The following PTPRD variants were observed in gnomAD, a reference collection of about 807,000 sequenced individuals.
The protein encoded by PTPRD is receptor-type tyrosine-protein phosphatase delta.
Under a neutral mutation model 214.5 loss-of-function variants are expected in PTPRD, and 34 were observed. That is an observed-to-expected ratio of 0.16 (90% confidence interval 0.12 to 0.21). PTPRD has a LOEUF of 0.21. PTPRD is among the 10% of genes least tolerant of loss of function. The pLI is 1.00. For synonymous variants in PTPRD, 1,128 were observed against 845.7 expected (o/e 1.33, Z -5.79); for missense variants, 2,545 against 2,398.7 (o/e 1.06, Z -1.27).
rs1849911632 is a variant in PTPRD at position 8,339,170 on chromosome 9, G to C, written c.5254-123C>G. Reference sequence around the variant, plus strand: ...CATTAATAAAATTTCAAAATTCAAGGCAATTCCAATTGCATATGACTCATT... The same window carrying C: ...CATTAATAAAATTTCAAAATTCAAGCCAATTCCAATTGCATATGACTCATT... On this transcript the variant is annotated intron_variant, in intron 42 of 45. Coordinates refer to ENST00000381196, the MANE Select transcript of PTPRD (RefSeq NM_002839.4). 4 of 1,059,140 alleles carry C rather than the reference G, an allele frequency of 3.8e-6. No homozygotes were observed. The African/African-American group carries it at 4.8e-5, about 13-fold the overall frequency. The allele number at this position is 1,059,140 out of a possible 1,614,324, so 65.6% of individuals were successfully genotyped here.
At chr9:9,866,687 T>C (rs183842482) in intron 5 of PTPRD, among the ~76,000 whole-genome samples, 21 of 152,308 alleles carry the variant, frequency 1.4e-4, no homozygotes, top group Admixed American at 9.2e-4. Flanking sequence ...TGGGTTGATT[T>C]CAACATTTCT....
At position 8,583,105 on chromosome 9, in the gene PTPRD, T is replaced by C. The variant is rs186107117; in HGVS notation, c.352+50212A>G. Reference sequence around the variant, plus strand: ...TGTTCCACCTCAGATCATAAGGCATTAGATTCTCATAAAGAGTGCACCACC... The same window carrying C: ...TGTTCCACCTCAGATCATAAGGCATCAGATTCTCATAAAGAGTGCACCACC... On this transcript the variant is annotated intron_variant, in intron 14 of 45. Coordinates refer to ENST00000381196, the MANE Select transcript of PTPRD (RefSeq NM_002839.4). Among the ~76,000 whole-genome samples, 3 of 152,338 alleles carry C rather than the reference T, an allele frequency of 2.0e-5. No individual in the cohort carries two copies. The East Asian group carries it at 5.8e-4, about 29-fold the overall frequency.
At chr9:8,917,054 CT>C (rs61077928) in intron 11 of PTPRD, among the ~76,000 whole-genome samples, 814 of 125,704 alleles carry the variant, frequency 6.5e-3, no homozygotes, top group Non-Finnish European at 8.5e-3. Flanking sequence ...CATTTTCTTT[CT>C]TTTTTTTTTT....
intron 3 of PTPRD, among the ~76,000 whole-genome samples, chr9:10,300,719 C>T (rs1006937857): frequency 6.6e-6 from 1 of 152,138 alleles, no homozygotes; most frequent in African/African-American, 2.4e-5. Context: ...CTCTAGATTC[C>T]TCCTCTCTAG....
intron 3 of PTPRD, among the ~76,000 whole-genome samples, chr9:10,324,677 A>C (rs1454641168): frequency 6.6e-6 from 1 of 151,988 alleles, no homozygotes; most frequent in Non-Finnish European, 1.5e-5. Context: ...ATCTGCTGTG[A>C]TCTAGGGTAT....
intron 9 of PTPRD, among the ~76,000 whole-genome samples, chr9:9,196,938 A>C (rs1294241620): frequency 6.6e-6 from 1 of 152,200 alleles, no homozygotes; most frequent in Non-Finnish European, 1.5e-5. Context: ...AATATCAGAC[A>C]AGGTCAATCT....
chr9:9,531,357 T>C (rs1475974133), intron 8 of PTPRD, among the ~76,000 whole-genome samples: 5 of 152,276 alleles, frequency 3.3e-5, no homozygotes, highest in Admixed American at 1.3e-4. Context: ...ATGTGGCATA[T>C]AATAAGTACC....
At chr9:8,816,631 T>C (rs1257465903) in intron 11 of PTPRD, among the ~76,000 whole-genome samples, 1 of 152,188 alleles carries the variant, frequency 6.6e-6, no homozygotes, top group African/African-American at 2.4e-5. Flanking sequence ...ATAGAAAGTA[T>C]AACTCAACTA....
rs551990203 is a variant in PTPRD, at chr9:8,439,540, A to G, written c.3989-2851T>C. Among the ~76,000 whole-genome samples the G allele has an allele frequency of 7.9e-5, 12 of 152,284 alleles. No homozygotes were observed. In the South Asian group the frequency reaches 2.3e-3, roughly 29 times the overall value. On this transcript the variant is annotated intron_variant, in intron 34 of 45. Coordinates refer to ENST00000381196, the MANE Select transcript of PTPRD (RefSeq NM_002839.4). ...TTTAAGTTTGTTGCTATTTTCTTTC[A>G]TTAGCCAAAATGTATACACAGTCTA...
intron 14 of PTPRD, among the ~76,000 whole-genome samples, chr9:8,607,060 T>C (rs1288045784): frequency 3.9e-5 from 6 of 152,172 alleles, no homozygotes; most frequent in Non-Finnish European, 8.8e-5. Context: ...GGGAAGACAT[T>C]GGACAAAGGA....
At chr9:9,167,752 T>C (rs2099907021) in intron 10 of PTPRD, among the ~76,000 whole-genome samples, 1 of 152,088 alleles carries the variant, frequency 6.6e-6, no homozygotes, top group Non-Finnish European at 1.5e-5. Flanking sequence ...CAAAACTCTG[T>C]CTTAAATAAA....
At chr9:9,203,598 C>T (rs1169611612) in intron 9 of PTPRD, among the ~76,000 whole-genome samples, 1 of 152,094 alleles carries the variant, frequency 6.6e-6, no homozygotes, top group Non-Finnish European at 1.5e-5. Flanking sequence ...TTTCAGGAAG[C>T]CATCCTACCA....
intron 7 of PTPRD, among the ~76,000 whole-genome samples, chr9:9,679,234 T>C (rs1413385212): frequency 1.3e-5 from 2 of 151,130 alleles, no homozygotes; most frequent in Non-Finnish European, 3.0e-5. Flanking sequence ...CTCTCTCTCT[T>C]TCTCTCTCCC....
At chr9:10,513,735 G>A (rs371076520) in intron 2 of PTPRD, among the ~76,000 whole-genome samples, 1 of 152,094 alleles carries the variant, frequency 6.6e-6, no homozygotes, top group East Asian at 1.9e-4. Context: ...TCTCACTGTG[G>A]CAGTAGTCAA....
intron 3 of PTPRD, among the ~76,000 whole-genome samples, chr9:10,130,671 T>C (rs1391295700): frequency 6.6e-6 from 1 of 152,050 alleles, no homozygotes; most frequent in African/African-American, 2.4e-5. Context: ...AAAACTAATC[T>C]AGTAAATCAT....
chr9:9,538,899 T>C (rs1271869557), intron 8 of PTPRD, among the ~76,000 whole-genome samples: 1 of 151,890 alleles, frequency 6.6e-6, no homozygotes, highest in Non-Finnish European at 1.5e-5. Flanking sequence ...AGATATCATA[T>C]GGATATGTAA....
intron 8 of PTPRD, among the ~76,000 whole-genome samples, chr9:9,542,773 T>A (rs1338739379): frequency 1.3e-5 from 2 of 151,654 alleles, no homozygotes; most frequent in Non-Finnish European, 3.0e-5. Context: ...ACATTTCAGT[T>A]TACTAAAATG....
rs150736434 is a variant in PTPRD, at chr9:9,828,405, A to G, written c.-367-61554T>C. 8.1e-3 allele frequency among the ~76,000 whole-genome samples: 1,233 copies of G among 152,260 alleles called. 19 individuals carry two copies. Among genetic ancestry groups the G allele is most frequent in the African/African-American group, 0.028 (1,165 of 41,546 alleles). ...TCTCAGTAAACTATCACAAGGACAA[A>G]AAACCAAACACTGCATGTTCTCACT... is the stretch of plus-strand genomic sequence containing the variant. On this transcript the variant is annotated intron_variant, in intron 5 of 45. Transcript: ENST00000381196.
chr9:10,171,804 T>C (rs2099209157), intron 3 of PTPRD, among the ~76,000 whole-genome samples: 1 of 152,188 alleles, frequency 6.6e-6, no homozygotes, highest in African/African-American at 2.4e-5. Flanking sequence ...ATTACAGGCA[T>C]GAGCCACCGC....
Sources: allele counts gnomAD v4.1 joint callset (sites outside exome capture counted in the v4.1 genomes callset), GRCh38; gene constraint gnomAD v4.1.1; transcripts MANE v1.5; gene names NCBI Gene and HGNC (gene_info 2026-07-23, HGNC 2026-07-21).